MICU3: variants seen among roughly 807,000 people sequenced by gnomAD.
MICU3 encodes the protein mitochondrial calcium uptake 3.
Under a neutral mutation model 66.5 loss-of-function variants are expected in MICU3, and 62 were observed. The ratio of observed to expected loss-of-function variants is 0.93; its 90% CI spans 0.76 to 1.15. The LOEUF (loss-of-function observed/expected upper bound fraction) is 1.15. MICU3 is among the 50% of genes most tolerant of loss of function. The pLI is 0.00. For synonymous variants in MICU3, 308 were observed against 240.7 expected (o/e 1.28, Z -2.59); for missense variants, 779 against 664.4 (o/e 1.17, Z -1.90).
At chr8:17,062,726 G>A (rs996653311) in intron 1 of MICU3, among the ~76,000 whole-genome samples, 9 of 151,992 alleles carry the variant, frequency 5.9e-5, no homozygotes, top group African/African-American at 2.2e-4. Context: ...AAGACAGTTT[G>A]ACTAAAAAGT....
chr8:17,101,818 T>C (rs893127404), intron 9 of MICU3, among the ~76,000 whole-genome samples: 58 of 151,860 alleles, frequency 3.8e-4, no homozygotes, highest in African/African-American at 1.3e-3. Context: ...AAATCTTTTT[T>C]TCATTAAGAT....
chr8:17,096,669 G>T (rs969519984), intron 8 of MICU3, among the ~76,000 whole-genome samples: 14 of 151,862 alleles, frequency 9.2e-5, no homozygotes, highest in African/African-American at 3.1e-4. Context: ...TCCTAGCATT[G>T]TTTAATCCCT....
chr8:17,030,242 T>G (rs994510895), intron 1 of MICU3, among the ~76,000 whole-genome samples: 9 of 152,204 alleles, frequency 5.9e-5, no homozygotes, highest in African/African-American at 2.2e-4. Flanking sequence ...TTTATTTCTG[T>G]TTGATTTTAT....
intron 3 of MICU3, among the ~76,000 whole-genome samples, chr8:17,071,161 T>A (rs1311021605): frequency 6.6e-6 from 1 of 152,166 alleles, no homozygotes; most frequent in Non-Finnish European, 1.5e-5. Context: ...ATATGCCTGC[T>A]GTCACAACTG....
At chr8:17,039,917 TTTTTTTTG>T (rs1329597512) in intron 1 of MICU3, among the ~76,000 whole-genome samples, 5 of 134,366 alleles carry the variant, frequency 3.7e-5, no homozygotes, top group African/African-American at 1.4e-4. Flanking sequence ...TTTTTTTTTT[TTTTTTTTG>T]AGATGGAGTT....
intron 1 of MICU3, among the ~76,000 whole-genome samples, chr8:17,063,281 G>T (rs186500347): frequency 6.6e-6 from 1 of 152,168 alleles, no homozygotes; most frequent in East Asian, 1.9e-4. Context: ...TAATTGATAA[G>T]TGAAAAAGAT....
rs534380605 is a variant in MICU3, at chr8:17,099,772, A to G, written c.984+1219A>G. Reference sequence around the variant, plus strand: ...AGAGCAACTGGGACTCTTAGAGTGCATACAAGTCAACTGTGTCCTAGTTTC... The same window carrying G: ...AGAGCAACTGGGACTCTTAGAGTGCGTACAAGTCAACTGTGTCCTAGTTTC... On this transcript the variant is annotated intron_variant, in intron 9 of 14. Transcript: ENST00000318063. Among the ~76,000 whole-genome samples, 80 of 151,870 alleles carry G rather than the reference A, an allele frequency of 5.3e-4. 1 individual carries two copies. The highest frequency in any genetic ancestry group is 1.9e-3 in the African/African-American group (79 of 41,472).
chr8:17,104,425 C>G lies in MICU3; in HGVS notation c.1019C>G (p.Thr340Ser), dbSNP rs765410229. The G allele has an allele frequency of 3.4e-6, 5 of 1,456,160 alleles. No homozygotes were observed. Among genetic ancestry groups the G allele is most frequent in the Non-Finnish European group, 4.6e-6 (5 of 1,083,492 alleles). 90.2% of individuals were successfully genotyped at this position (1,456,160 alleles called of 1,614,324 possible). ...ADDITSLVTD[T>S]TLLVHFFGKK... is the part of the protein sequence containing the mutation. ...GACATCACAAGTTTAGTAACAGATA[C>G]TACACTTCTTGTACACTTTTTTGGA... is the stretch of plus-strand genomic sequence containing the variant. Residue 340 changes from threonine (T) to serine (S), a missense_variant, in exon 10 of 15, where the codon ACT becomes AGT. Transcript: ENST00000318063.
chr8:17,115,952 G>C (rs368620205), intron 12 of MICU3, among the ~76,000 whole-genome samples: 5 of 152,204 alleles, frequency 3.3e-5, no homozygotes, highest in Admixed American at 2.6e-4. Flanking sequence ...TTGTCCTTTT[G>C]TGTTCAGCTC....
chr8:17,085,454 A>C, intron 6 of MICU3, 136 bp downstream of exon 6: 1 of 521,352 alleles, frequency 1.9e-6, no homozygotes, highest in Non-Finnish European at 3.5e-6. Context: ...TTAATAAAGT[A>C]TAATACTCAG....
intron 7 of MICU3, among the ~76,000 whole-genome samples, chr8:17,089,939 G>C (rs1799871175): frequency 6.6e-6 from 1 of 152,038 alleles, no homozygotes; most frequent in South Asian, 2.1e-4. Context: ...AAATAAAACT[G>C]TGATTCAGAA....
intron 14 of MICU3, among the ~76,000 whole-genome samples, chr8:17,119,539 A>C (rs557458627): frequency 7.5e-6 from 1 of 133,260 alleles, no homozygotes; most frequent in Non-Finnish European, 1.6e-5. Flanking sequence ...AAGCATAGAT[A>C]GATAGATAGA....
chr8:17,079,500 A>G (rs899763991), intron 4 of MICU3, among the ~76,000 whole-genome samples: 1 of 152,036 alleles, frequency 6.6e-6, no homozygotes, highest in Non-Finnish European at 1.5e-5. Context: ...TTAAGACTAA[A>G]TCTTTAGAGC....
rs558314032 is a variant in MICU3 at position 17,072,571 on chromosome 8, A to G, written c.567+2852A>G. ...CAGTGTAAACAATGTTAAAAGATGT[A>G]TGATGGATGGGAGGATATGCATGCA... is the stretch of plus-strand genomic sequence containing the variant. On this transcript the variant is annotated intron_variant, in intron 3 of 14. Transcript: ENST00000318063. Among the ~76,000 whole-genome samples the G allele has an allele frequency of 2.2e-3, 328 of 152,260 alleles. 1 individual carries two copies. Among genetic ancestry groups the G allele is most frequent in the South Asian group, 5.8e-3 (28 of 4,822 alleles).
chr8:17,105,391 C>A, intron 10 of MICU3, 22 bp from the exon 11 acceptor site: 1 of 1,413,008 alleles, frequency 7.1e-7, no homozygotes, highest in East Asian at 2.4e-5. Flanking sequence ...CTTTTTCCTT[C>A]TTTATTACAT....
the MICU3 span, among the ~76,000 whole-genome samples, chr8:17,138,024 AT>A: frequency 6.6e-6 from 1 of 151,872 alleles, no homozygotes; most frequent in Admixed American, 6.6e-5. Context: ...CAAGAGTAAT[AT>A]TTTCTATTAC....
intron 11 of MICU3, 55 bp from the exon 12 acceptor site, chr8:17,114,038 G>GGTCACCGT: frequency 8.6e-7 from 1 of 1,163,064 alleles, no homozygotes; most frequent in South Asian, 1.4e-5. Flanking sequence ...TGTAGATCCT[G>GGTCACCGT]ATTTTAATAA....
At chr8:17,088,020 A>G (rs1467226376) in intron 7 of MICU3, among the ~76,000 whole-genome samples, 1 of 151,978 alleles carries the variant, frequency 6.6e-6, no homozygotes. Flanking sequence ...CATTTTTATA[A>G]GAATATGTAT....
At chr8:17,037,144 A>T (rs1813168264) in intron 1 of MICU3, among the ~76,000 whole-genome samples, 1 of 151,982 alleles carries the variant, frequency 6.6e-6, no homozygotes, top group African/African-American at 2.4e-5. Flanking sequence ...CCCACCTGGA[A>T]CTCCAGCTGG....
Sources: allele counts gnomAD v4.1 joint callset (sites outside exome capture counted in the v4.1 genomes callset), GRCh38; gene constraint gnomAD v4.1.1; transcripts MANE v1.5; gene names NCBI Gene and HGNC (gene_info 2026-07-23, HGNC 2026-07-21).